Variants in SRP72 observed in about 807,000 individuals in gnomAD.
The protein encoded by SRP72 is signal recognition particle 72, also known as signal recognition particle subunit SRP72.
In SRP72, 49 loss-of-function variants were observed where a neutral mutation model predicts 96.3. The observed-to-expected ratio is 0.51, with a 90% CI of 0.40 to 0.65. SRP72 has a LOEUF of 0.65. Ranked by LOEUF, SRP72 falls within the 30% of genes least tolerant of loss-of-function variation. The pLI, the probability that SRP72 is intolerant of heterozygous loss-of-function variation, is 0.00. For missense variants in SRP72, 736 were observed against 793.3 expected (o/e 0.93, Z 0.87); for synonymous variants, 267 against 275.2 (o/e 0.97, Z 0.30).
intron 8 of SRP72, among the ~76,000 whole-genome samples, chr4:56,482,739 T>G (rs66599079): frequency 0.33 from 49,908 of 152,048 alleles, 8,528 homozygotes; most frequent in East Asian, 0.46. Flanking sequence ...CTAATACACT[T>G]CAATTTGTGC....
At chr4:56,469,346 T>C (rs1308998674) in intron 1 of SRP72, among the ~76,000 whole-genome samples, 1 of 152,242 alleles carries the variant, frequency 6.6e-6, no homozygotes, top group Non-Finnish European at 1.5e-5. Context: ...ATGAAATATC[T>C]GGAGAAATTG....
chr4:56,500,954 A>T (rs1721243101), intron 18 of SRP72, among the ~76,000 whole-genome samples: 1 of 147,864 alleles, frequency 6.8e-6, no homozygotes, highest in Non-Finnish European at 1.5e-5. Context: ...TATATATAGT[A>T]AAAACTATTA....
At chr4:56,480,518 C>T (rs1720441436) in intron 8 of SRP72, among the ~76,000 whole-genome samples, 1 of 152,140 alleles carries the variant, frequency 6.6e-6, no homozygotes. Flanking sequence ...CCTCAGCCTC[C>T]CAAAGTGTTG....
intron 8 of SRP72, 131 bp downstream of exon 8, chr4:56,478,780 A>T (rs1274099900): frequency 3.8e-6 from 3 of 798,906 alleles, no homozygotes; most frequent in Non-Finnish European, 6.0e-6. Context: ...TAGCAAAATC[A>T]CAATGGATAG....
intron 8 of SRP72, among the ~76,000 whole-genome samples, chr4:56,482,226 G>A (rs1358488454): frequency 6.6e-6 from 1 of 151,268 alleles, no homozygotes; most frequent in Non-Finnish European, 1.5e-5. Context: ...CGAATCACGA[G>A]GTCAGAAGAT....
At position 56,490,008 on chromosome 4, in the gene SRP72, T is replaced by C. The variant is rs1720852831; in HGVS notation, c.1321-325T>C. Among the ~76,000 whole-genome samples, 2 of 152,194 alleles carry C rather than the reference T, an allele frequency of 1.3e-5. 1 individual carries two copies. The highest frequency in any genetic ancestry group is 4.1e-4 in the South Asian group (2 of 4,836). ...GAGGGGTATCAGTGCTCTGGGAAAG[T>C]ATTATATTAAATTAATGTTTGAGAA... is the stretch of plus-strand genomic sequence containing the variant. On this transcript the variant is annotated intron_variant, in intron 13 of 18. Transcript: ENST00000642900.
chr4:56,474,413 T>C (rs1317926768), intron 5 of SRP72, 22 bp downstream of exon 5: 1 of 1,595,750 alleles, frequency 6.3e-7, no homozygotes, highest in South Asian at 1.1e-5. Flanking sequence ...GTTAAACTTA[T>C]CTGTAAATAT....
rs1192774788 is a variant in SRP72, at chr4:56,478,735, G to A, written c.825+86G>A. 4.9e-5 allele frequency: 67 copies of A among 1,374,822 alleles called. No individual in the cohort carries two copies. The East Asian group carries it at 1.5e-3, about 30-fold the overall frequency. The allele number at this position is 1,374,822 out of a possible 1,614,324, so 85.2% of individuals were successfully genotyped here. ...TTAGTTTTGTTCTAGGATAGCCTAA[G>A]TGTTCTTTTTAACATGATGAAAAAA... On this transcript the variant is annotated intron_variant, in intron 8 of 18. Coordinates refer to ENST00000642900, the MANE Select transcript of SRP72 (RefSeq NM_006947.4).
At chr4:56,474,516 T>C in intron 5 of SRP72, 125 bp downstream of exon 5, 1 of 818,978 alleles carries the variant, frequency 1.2e-6, no homozygotes, top group South Asian at 1.8e-5. Context: ...TGACAATTTC[T>C]CCAAGTTCCT....
chr4:56,492,705 A>G (rs1216707998), intron 16 of SRP72, among the ~76,000 whole-genome samples: 1 of 152,220 alleles, frequency 6.6e-6, no homozygotes, highest in African/African-American at 2.4e-5. Context: ...AAGAGGTTAC[A>G]TTGTTCCGAA....
At chr4:56,476,318 A>T in intron 5 of SRP72, 1 of 226,370 alleles carries the variant, frequency 4.4e-6, no homozygotes, top group Non-Finnish European at 8.5e-6. Flanking sequence ...AAAACTAAAT[A>T]ACTGAAATGC....
At chr4:56,480,308 G>A (rs528792245) in intron 8 of SRP72, among the ~76,000 whole-genome samples, 2 of 152,264 alleles carry the variant, frequency 1.3e-5, no homozygotes, top group Non-Finnish European at 2.9e-5. Flanking sequence ...TGCCCAGGCT[G>A]GAGTGCAGTG....
chr4:56,480,787 T>C (rs1720452002), intron 8 of SRP72, among the ~76,000 whole-genome samples: 1 of 152,196 alleles, frequency 6.6e-6, no homozygotes, highest in Non-Finnish European at 1.5e-5. Flanking sequence ...CATGTTTAAA[T>C]TTTTTGTCCG....
rs542390230 is a variant in SRP72 at position 56,471,471 on chromosome 4, A to T, written c.231-249A>T. Among the ~76,000 whole-genome samples, 3 of 152,346 alleles carry T rather than the reference A, an allele frequency of 2.0e-5. No homozygotes were observed. In the South Asian group the frequency reaches 6.2e-4, roughly 32 times the overall value. On this transcript the variant is annotated intron_variant, in intron 2 of 18. Coordinates refer to ENST00000642900, the MANE Select transcript of SRP72 (RefSeq NM_006947.4). ...TGAATGATTTCCTTCTTAAATGTTT[A>T]TTTCAAAAGGCCAATAATTTTAATA...
chr4:56,482,394 G>T (rs531310672), intron 8 of SRP72, among the ~76,000 whole-genome samples: 2 of 151,722 alleles, frequency 1.3e-5, no homozygotes, highest in African/African-American at 4.8e-5. Context: ...CTGGTAGTGA[G>T]CTGAGACTGT....
chr4:56,476,489 A>G (rs1720227890), intron 5 of SRP72, 182 bp from the exon 6 acceptor site: 1 of 597,012 alleles, frequency 1.7e-6, no homozygotes, highest in African/African-American at 1.9e-5. Flanking sequence ...AAGAGCTGGG[A>G]AAGTCAAGAG....
intron 16 of SRP72, 166 bp from the exon 17 acceptor site, chr4:56,495,190 CT>C (rs1236186510): frequency 5.6e-5 from 24 of 426,608 alleles, no homozygotes; most frequent in Middle Eastern, 1.3e-3. Flanking sequence ...GCTTAATTGA[CT>C]TTAACCTGAA....
chr4:56,485,270 T>G (rs1204011451), intron 10 of SRP72, among the ~76,000 whole-genome samples: 1 of 152,102 alleles, frequency 6.6e-6, no homozygotes. Context: ...GCTATTATAT[T>G]GCATATTTAA....
intron 16 of SRP72, among the ~76,000 whole-genome samples, chr4:56,492,437 A>G (rs1578194443): frequency 6.6e-6 from 1 of 152,224 alleles, no homozygotes; most frequent in East Asian, 1.9e-4. Flanking sequence ...ACCTACAGTA[A>G]AATGTTTTAA....
Sources: allele counts gnomAD v4.1 joint callset (sites outside exome capture counted in the v4.1 genomes callset), GRCh38; gene constraint gnomAD v4.1.1; transcripts MANE v1.5; gene names NCBI Gene and HGNC (gene_info 2026-07-23, HGNC 2026-07-21).